MAML3: variants seen among roughly 807,000 people sequenced by gnomAD.
MAML3 encodes mastermind like transcriptional coactivator 3, also known as mastermind-like protein 3.
A neutral mutation model predicts 101.9 loss-of-function variants in MAML3; 27 were observed. That is an observed-to-expected ratio of 0.27 (90% CI 0.20 to 0.37). The LOEUF (loss-of-function observed/expected upper bound fraction) is 0.37. Among genes scored for constraint, MAML3 ranks in the 10% least tolerant of loss-of-function variants. The pLI is 1.00. For missense variants in MAML3, 1,316 were observed against 1,444.9 expected (o/e 0.91, Z 1.45); for synonymous variants, 501 against 555.9 (o/e 0.90, Z 1.39).
intron 1 of MAML3, among the ~76,000 whole-genome samples, chr4:140,016,511 T>C (rs1226349118): frequency 6.6e-6 from 1 of 152,162 alleles, no homozygotes; most frequent in Non-Finnish European, 1.5e-5. Flanking sequence ...AAGGCATCAG[T>C]GTACCTGATT....
intron 2 of MAML3, among the ~76,000 whole-genome samples, chr4:139,792,759 T>C (rs974604075): frequency 6.6e-6 from 1 of 151,592 alleles, no homozygotes; most frequent in Non-Finnish European, 1.5e-5. Context: ...TTTTTTTTTT[T>C]TTTGAGACGG....
intron 1 of MAML3, among the ~76,000 whole-genome samples, chr4:140,102,763 G>A (rs1230234210): frequency 6.6e-6 from 1 of 152,144 alleles, no homozygotes; most frequent in Non-Finnish European, 1.5e-5. Flanking sequence ...GCCATTATCT[G>A]TGGTCCCCCT....
At chr4:139,819,705 T>C (rs1423093139) in intron 2 of MAML3, among the ~76,000 whole-genome samples, 1 of 152,212 alleles carries the variant, frequency 6.6e-6, no homozygotes, top group Non-Finnish European at 1.5e-5. Flanking sequence ...TTAGCAAAAA[T>C]AGCTAAGTAT....
intron 1 of MAML3, among the ~76,000 whole-genome samples, chr4:139,940,941 T>C (rs957226418): frequency 5.9e-5 from 9 of 152,238 alleles, no homozygotes; most frequent in Non-Finnish European, 1.0e-4. Flanking sequence ...TTATTAATGA[T>C]ATTGTCCTAT....
chr4:139,798,297 T>C (rs531677381), intron 2 of MAML3, among the ~76,000 whole-genome samples: 19 of 152,346 alleles, frequency 1.2e-4, no homozygotes, highest in African/African-American at 4.3e-4. Flanking sequence ...CATATGAAAC[T>C]GCTATTTTTG....
intron 4 of MAML3, among the ~76,000 whole-genome samples, chr4:139,723,559 G>A (rs367882149): frequency 2.7e-4 from 41 of 152,224 alleles, no homozygotes; most frequent in Admixed American, 1.2e-3. Context: ...TGAACTGCCC[G>A]CCTCGGCCTC....
At chr4:139,936,274 T>G (rs1202875469) in intron 1 of MAML3, among the ~76,000 whole-genome samples, 1 of 152,178 alleles carries the variant, frequency 6.6e-6, no homozygotes, top group Non-Finnish European at 1.5e-5. Flanking sequence ...CACACCACAT[T>G]TTTAAATTCA....
At chr4:140,063,457 A>C (rs1459148246) in intron 1 of MAML3, among the ~76,000 whole-genome samples, 1 of 152,172 alleles carries the variant, frequency 6.6e-6, no homozygotes, top group Non-Finnish European at 1.5e-5. Flanking sequence ...TGTCCCTGGT[A>C]AGAGAGGTCC....
chr4:139,727,033 C>T (rs1477630335), intron 3 of MAML3, among the ~76,000 whole-genome samples: 4 of 152,106 alleles, frequency 2.6e-5, no homozygotes, highest in Non-Finnish European at 5.9e-5. Flanking sequence ...CAACAAGGTC[C>T]CTGTTCTTTA....
In MAML3 at chr4:140,153,105, C is replaced by T; in HGVS notation, c.223G>A (p.Glu75Lys). 1 of 1,551,886 alleles carries T rather than the reference C, an allele frequency of 6.4e-7. No individual in the cohort carries two copies. The highest frequency in any genetic ancestry group is 8.7e-7 in the Non-Finnish European group (1 of 1,147,326). The change falls in exon 1 of 5, where the codon GAG becomes AAG. Residue 75 changes from glutamate (E) to lysine (K), a missense_variant. Physicochemically the swap from Glu to Lys is moderately conservative, Grantham distance 56 (BLOSUM62 1). Transcript: ENST00000509479. ...AAVPKHSTVVERLRQRIEGCR... is the reference protein window; with the variant it reads ...AAVPKHSTVVKRLRQRIEGCR... The stretch of plus-strand genomic sequence containing the variant: ...CCCTCGATGCGCTGGCGGAGCCGCT[C>T]CACCACGGTGCTGTGCTTGGGAACG...
intron 1 of MAML3, among the ~76,000 whole-genome samples, chr4:140,144,266 G>A (rs375602738): frequency 1.3e-5 from 2 of 152,232 alleles, no homozygotes; most frequent in South Asian, 2.1e-4. Flanking sequence ...ATGAATTAAG[G>A]CCGGGCTCAG....
intron 2 of MAML3, among the ~76,000 whole-genome samples, chr4:139,764,565 C>T (rs1729815719): frequency 6.6e-6 from 1 of 152,204 alleles, no homozygotes; most frequent in Non-Finnish European, 1.5e-5. Context: ...ACCCTGGTGG[C>T]CTCCTGAAGT....
At position 140,038,948 on chromosome 4, in the gene MAML3, G is replaced by A. The variant is rs550912045; in HGVS notation, c.468+113912C>T. On this transcript the variant is annotated intron_variant, in intron 1 of 4. Coordinates refer to ENST00000509479, the MANE Select transcript of MAML3 (RefSeq NM_018717.5). Reference sequence around the variant, plus strand: ...GATCCGAGACCATCCTGGCTAACACGGGCTACTAAAAATACAAAAAATTAG... The same window carrying A: ...GATCCGAGACCATCCTGGCTAACACAGGCTACTAAAAATACAAAAAATTAG... 1.7e-4 allele frequency among the ~76,000 whole-genome samples: 26 copies of A among 151,894 alleles called. 1 individual carries two copies. Among genetic ancestry groups the A allele is most frequent in the African/African-American group, 5.6e-4 (23 of 41,416 alleles).
rs190261064 is a variant in MAML3, at chr4:139,947,251, C to T, written c.469-56284G>A. Among the ~76,000 whole-genome samples, 242 of 152,246 alleles carry T rather than the reference C, an allele frequency of 1.6e-3. 1 individual carries two copies. Among genetic ancestry groups the T allele is most frequent in the African/African-American group, 5.4e-3 (225 of 41,540 alleles). Reference sequence around the variant, plus strand: ...CCTTGTCCTTCCTGTAAGTCTAAATCACTATTTAAATGGCATTTTCCTTCT... The same window carrying T: ...CCTTGTCCTTCCTGTAAGTCTAAATTACTATTTAAATGGCATTTTCCTTCT... On this transcript the variant is annotated intron_variant, in intron 1 of 4. Transcript: ENST00000509479.
At chr4:139,733,484 G>A (rs1728805440) in intron 2 of MAML3, among the ~76,000 whole-genome samples, 1 of 150,662 alleles carries the variant, frequency 6.6e-6, no homozygotes, top group African/African-American at 2.4e-5. Flanking sequence ...CAAATGGGGT[G>A]ACGACGATAC....
intron 2 of MAML3, among the ~76,000 whole-genome samples, chr4:139,737,903 T>C (rs1729007340): frequency 6.6e-6 from 1 of 152,242 alleles, no homozygotes; most frequent in South Asian, 2.1e-4. Flanking sequence ...TTGTGATGTG[T>C]GATGGTTGTG....
intron 2 of MAML3, among the ~76,000 whole-genome samples, chr4:139,858,780 A>C (rs1731714387): frequency 6.6e-6 from 1 of 152,132 alleles, no homozygotes; most frequent in Non-Finnish European, 1.5e-5. Context: ...TGGTTTCCGC[A>C]TGTCACTAAC....
At chr4:139,723,023 T>C (rs1256561090) in intron 4 of MAML3, among the ~76,000 whole-genome samples, 1 of 152,264 alleles carries the variant, frequency 6.6e-6, no homozygotes, top group Non-Finnish European at 1.5e-5. Flanking sequence ...TGATCAGCCA[T>C]TTCTTTCTAA....
chr4:139,810,111 G>A (rs1241077694), intron 2 of MAML3, among the ~76,000 whole-genome samples: 1 of 150,434 alleles, frequency 6.6e-6, no homozygotes, highest in Non-Finnish European at 1.5e-5. Context: ...CATTTTTTTT[G>A]ACTTGTGATT....
Sources: gnomAD v4.1 joint callset for allele counts (sites outside exome capture counted in the v4.1 genomes callset) on GRCh38, gnomAD v4.1.1 for gene constraint, MANE v1.5 for transcripts, NCBI Gene and HGNC (gene_info 2026-07-23, HGNC 2026-07-21) for gene names.